Variants in PDE7B observed in about 807,000 individuals in gnomAD.
The protein encoded by PDE7B is 3',5'-cyclic-AMP phosphodiesterase 7B.
Under a neutral mutation model 56.2 loss-of-function variants are expected in PDE7B, and 29 were observed. The observed-to-expected ratio is 0.52, with a 90% CI of 0.38 to 0.70. The LOEUF is 0.70. Ranked by LOEUF, PDE7B falls within the 30% of genes least tolerant of loss-of-function variation. The pLI, the probability that PDE7B is intolerant of heterozygous loss-of-function variation, is 0.00. For synonymous variants in PDE7B, 197 were observed against 196.9 expected, an observed-to-expected ratio of 1.00 and a Z score of 0.00; for missense variants, 490 against 565.0, an observed-to-expected ratio of 0.87 and a Z score of 1.35.
At chr6:136,086,853 C>T (rs1049353023) in intron 2 of PDE7B, among the ~76,000 whole-genome samples, 4 of 152,186 alleles carry the variant, frequency 2.6e-5, no homozygotes, top group South Asian at 2.1e-4. Context: ...CCAAGATAGA[C>T]GGAGCAGCTG....
intron 2 of PDE7B, among the ~76,000 whole-genome samples, chr6:136,008,161 A>T (rs377097443): frequency 2.6e-5 from 4 of 151,924 alleles, no homozygotes; most frequent in South Asian, 2.1e-4. Flanking sequence ...AAGGACATGA[A>T]CTCATCATTT....
At chr6:135,991,210 T>A (rs1203917834) in intron 2 of PDE7B, among the ~76,000 whole-genome samples, 1 of 152,128 alleles carries the variant, frequency 6.6e-6, no homozygotes, top group African/African-American at 2.4e-5. Flanking sequence ...CGTGCCAACA[T>A]CCTATCTCAT....
At chr6:135,945,970 A>G (rs1774589591) in intron 1 of PDE7B, among the ~76,000 whole-genome samples, 1 of 152,182 alleles carries the variant, frequency 6.6e-6, no homozygotes, top group Admixed American at 6.6e-5. Flanking sequence ...ACACACCATT[A>G]TAGAAAAAAT....
chr6:135,933,793 G>C (rs922672027), intron 1 of PDE7B, among the ~76,000 whole-genome samples: 40 of 152,098 alleles, frequency 2.6e-4, no homozygotes, highest in African/African-American at 9.7e-4. Context: ...TGATCTTCAA[G>C]ATTTCTCAAT....
chr6:136,038,046 C>A, intron 2 of PDE7B: 1 of 1,332,094 alleles, frequency 7.5e-7, no homozygotes, highest in Non-Finnish European at 9.9e-7. Flanking sequence ...GGAAGTGAAT[C>A]GCTCTCGTCG....
chr6:135,859,110 G>C (rs2128184163), intron 1 of PDE7B, among the ~76,000 whole-genome samples: 1 of 151,628 alleles, frequency 6.6e-6, no homozygotes, highest in East Asian at 1.9e-4. Flanking sequence ...CCACTTGCCA[G>C]CTGGGTCCAG....
At chr6:136,050,586 G>C (rs571645445) in intron 2 of PDE7B, among the ~76,000 whole-genome samples, 1 of 152,272 alleles carries the variant, frequency 6.6e-6, no homozygotes, top group East Asian at 1.9e-4. Flanking sequence ...CCTGGAGGTA[G>C]AATTTCAAGC....
chr6:136,158,679 G>T (rs930283792), intron 8 of PDE7B, among the ~76,000 whole-genome samples: 8 of 152,190 alleles, frequency 5.3e-5, no homozygotes, highest in Admixed American at 3.3e-4. Context: ...CTCTGGGCCG[G>T]ACTCACTCGC....
chr6:136,012,910 C>T (rs1350745880), intron 2 of PDE7B, among the ~76,000 whole-genome samples: 1 of 152,110 alleles, frequency 6.6e-6, no homozygotes, highest in African/African-American at 2.4e-5. Context: ...TTATCTTTCA[C>T]TGTGGAGAGC....
intron 3 of PDE7B, among the ~76,000 whole-genome samples, 168 bp downstream of exon 3, chr6:136,108,982 T>C (rs1325046328): frequency 6.6e-6 from 1 of 152,150 alleles, no homozygotes; most frequent in East Asian, 1.9e-4. Context: ...TCCTCACAAG[T>C]GAAGTAATTC....
At chr6:136,188,356 G>A (rs1434020506) in intron 12 of PDE7B, among the ~76,000 whole-genome samples, 1 of 152,018 alleles carries the variant, frequency 6.6e-6, no homozygotes, top group Non-Finnish European at 1.5e-5. Context: ...GGGGATGGTG[G>A]CATAGAAAAA....
intron 2 of PDE7B, among the ~76,000 whole-genome samples, chr6:136,016,815 T>G (rs1775986206): frequency 6.6e-6 from 1 of 152,224 alleles, no homozygotes; most frequent in Non-Finnish European, 1.5e-5. Context: ...GGAAATTCTC[T>G]TAGATACACC....
chr6:136,030,806 T>A (rs537687529), intron 2 of PDE7B, among the ~76,000 whole-genome samples: 1 of 152,312 alleles, frequency 6.6e-6, no homozygotes, highest in African/African-American at 2.4e-5. Context: ...TGCAACAAAA[T>A]GCTGGAAAGA....
intron 1 of PDE7B, among the ~76,000 whole-genome samples, chr6:135,881,130 A>G (rs1463727381): frequency 3.3e-5 from 5 of 152,120 alleles, no homozygotes; most frequent in East Asian, 1.9e-4. Context: ...CAAGTGCCCT[A>G]TGCTGTTGTA....
intron 1 of PDE7B, among the ~76,000 whole-genome samples, chr6:135,908,720 A>G (rs1776159462): frequency 1.3e-5 from 2 of 152,218 alleles, no homozygotes; most frequent in Admixed American, 1.3e-4. Flanking sequence ...AAGGAAGCAC[A>G]AGTATCCAAT....
intron 2 of PDE7B, among the ~76,000 whole-genome samples, chr6:136,075,585 A>C (rs1777115634): frequency 6.6e-6 from 1 of 152,186 alleles, no homozygotes; most frequent in Non-Finnish European, 1.5e-5. Flanking sequence ...TTATCATTTA[A>C]AAACTTAGTT....
At chr6:136,133,301 C>G (rs1778151042) in intron 3 of PDE7B, among the ~76,000 whole-genome samples, 1 of 150,928 alleles carries the variant, frequency 6.6e-6, no homozygotes. Flanking sequence ...GGTTTTCTTT[C>G]TGGAAGTTTT....
At chr6:136,141,587 A>G (rs1476969413) in intron 3 of PDE7B, among the ~76,000 whole-genome samples, 1 of 152,126 alleles carries the variant, frequency 6.6e-6, no homozygotes, top group East Asian at 1.9e-4. Context: ...CTGTGAATCC[A>G]TCTGGTCCTG....
intron 3 of PDE7B, among the ~76,000 whole-genome samples, chr6:136,113,148 T>G (rs150074153): frequency 2.1e-3 from 321 of 152,314 alleles, no homozygotes; most frequent in African/African-American, 7.3e-3. Context: ...AGAGTAGGTT[T>G]TAAATGATCT....
Sources: allele counts gnomAD v4.1 joint callset (sites outside exome capture counted in the v4.1 genomes callset), GRCh38; gene constraint gnomAD v4.1.1; transcripts MANE v1.5; gene names NCBI Gene and HGNC (gene_info 2026-07-23, HGNC 2026-07-21).